Variants in PARD3 observed in about 807,000 individuals in gnomAD.
The protein encoded by PARD3 is partitioning defective 3 homolog.
A neutral mutation model predicts 155.4 loss-of-function variants in PARD3; 75 were observed. The observed-to-expected ratio is 0.48, with a 90% CI of 0.40 to 0.58. The LOEUF (loss-of-function observed/expected upper bound fraction) is 0.58, where lower values mean the gene tolerates loss of function less well. Ranked by LOEUF, PARD3 falls within the 20% of genes least tolerant of loss-of-function variation. The probability of loss-of-function intolerance (pLI) is 0.00; values close to 1 mark genes in which losing one functional copy is unlikely to be tolerated. For missense variants in PARD3, 1,642 were observed against 1,721.7 expected (o/e 0.95, Z 0.82); for synonymous variants, 576 against 610.5 (o/e 0.94, Z 0.83).
rs561871360 is a variant in PARD3, at chr10:34,254,864, G to C, written c.3419+14793C>G. ...AAGTGAGTAATCAGTCACAAAGGCTGCCAGATACACTGACAGACAGATGTG... is the reference window on the plus strand; with the variant it reads ...AAGTGAGTAATCAGTCACAAAGGCTCCCAGATACACTGACAGACAGATGTG... On this transcript the variant is annotated intron_variant, in intron 22 of 24. Coordinates refer to ENST00000374788, the MANE Select transcript of PARD3 (RefSeq NM_001184785.2). Among the ~76,000 whole-genome samples the C allele has an allele frequency of 3.3e-5, 5 of 152,222 alleles. No homozygotes were observed. In the South Asian group the frequency reaches 1.0e-3, roughly 32 times the overall value.
intron 12 of PARD3, among the ~76,000 whole-genome samples, chr10:34,364,477 T>C (rs113215375): frequency 6.6e-6 from 1 of 152,090 alleles, no homozygotes; most frequent in Non-Finnish European, 1.5e-5. Flanking sequence ...TCATCCAGGC[T>C]GGAGTGCAGT....
At chr10:34,602,275 T>C (rs763810014) in intron 2 of PARD3, among the ~76,000 whole-genome samples, 1 of 152,244 alleles carries the variant, frequency 6.6e-6, no homozygotes, top group Non-Finnish European at 1.5e-5. Context: ...TAAAAACTAT[T>C]AGTCCATTTC....
intron 1 of PARD3, among the ~76,000 whole-genome samples, chr10:34,783,598 C>T (rs566726136): frequency 1.7e-4 from 17 of 100,468 alleles, no homozygotes; most frequent in Non-Finnish European, 2.5e-4. Context: ...AACGAGACTC[C>T]GTCTTCAAAA....
At chr10:34,260,057 T>A (rs1011133621) in intron 22 of PARD3, among the ~76,000 whole-genome samples, 3 of 152,024 alleles carry the variant, frequency 2.0e-5, no homozygotes, top group Non-Finnish European at 4.4e-5. Context: ...CCAGGCTGAT[T>A]TCGAACTCCT....
intron 1 of PARD3, among the ~76,000 whole-genome samples, chr10:34,738,670 G>C (rs897293295): frequency 1.3e-5 from 2 of 152,176 alleles, no homozygotes; most frequent in African/African-American, 4.8e-5. Flanking sequence ...CCTAAGCCCA[G>C]GAGGTCCAGG....
intron 3 of PARD3, among the ~76,000 whole-genome samples, chr10:34,488,251 T>C (rs1297383327): frequency 2.0e-5 from 3 of 152,184 alleles, no homozygotes; most frequent in Non-Finnish European, 2.9e-5. Flanking sequence ...ATCTCCATAC[T>C]TCATTTTTAT....
intron 9 of PARD3, among the ~76,000 whole-genome samples, chr10:34,379,269 T>G (rs1275158320): frequency 2.6e-5 from 4 of 152,060 alleles, no homozygotes; most frequent in African/African-American, 9.7e-5. Flanking sequence ...TAAAGAAACA[T>G]TAAAGGAGAA....
At chr10:34,289,340 CCACCA>C (rs1433340190) in intron 20 of PARD3, among the ~76,000 whole-genome samples, 1 of 152,070 alleles carries the variant, frequency 6.6e-6, no homozygotes, top group African/African-American at 2.4e-5. Context: ...CAGTCGTGCG[CCACCA>C]CACCTGGCTA....
chr10:34,447,480 CAAAAAAAAAAAAAAAAAAAAAAAAAAA>C (rs745637071), intron 5 of PARD3, among the ~76,000 whole-genome samples: 4 of 37,196 alleles, frequency 1.1e-4, no homozygotes, highest in Admixed American at 4.8e-4. Flanking sequence ...GACTGCGTCT[CAAAAAAAAAAAAAAAAAAAAAAAAAAA>C]AAAAAAAAAA....
rs904330291 is a variant in PARD3, at chr10:34,315,780, G to A, written c.3065+1327C>T. ...TATAATGAAGAAACATGATGAGGGG[G>A]CCCTGTGTAAACTAGAAAAACTCTA... On this transcript the variant is annotated intron_variant, in intron 20 of 24. Coordinates refer to ENST00000374788, the MANE Select transcript of PARD3 (RefSeq NM_001184785.2). Among the ~76,000 whole-genome samples, 5 of 152,300 alleles carry A rather than the reference G, an allele frequency of 3.3e-5. No homozygotes were observed. In the South Asian group the frequency reaches 8.3e-4, roughly 25 times the overall value.
At chr10:34,280,582 C>T (rs891812459) in intron 21 of PARD3, among the ~76,000 whole-genome samples, 2 of 152,130 alleles carry the variant, frequency 1.3e-5, no homozygotes, top group African/African-American at 4.8e-5. Flanking sequence ...AAAACAGAAG[C>T]CAGAAAGTAG....
rs145348976 is a variant in PARD3 at position 34,448,542 on chromosome 10, A to T, written c.714+1775T>A. Among the ~76,000 whole-genome samples the T allele has an allele frequency of 6.8e-4, 103 of 152,332 alleles. 1 individual carries two copies. The South Asian group carries it at 7.2e-3, about 11-fold the overall frequency. ...AAGCTAGGCACAGTGGCTCATGCCT[A>T]TAACCATGACACTTTGGGAGGCCAA... On this transcript the variant is annotated intron_variant, in intron 5 of 24. Transcript: ENST00000374788.
intron 5 of PARD3, among the ~76,000 whole-genome samples, chr10:34,425,898 C>T (rs6481898): frequency 0.074 from 11,312 of 152,146 alleles, 1,314 homozygotes; most frequent in African/African-American, 0.25. Flanking sequence ...GTCACTGAAA[C>T]GTTCACAGAT....
At chr10:34,145,203 ATATATATATATATATATATTTTTTTT>A (rs1422715790) in intron 22 of PARD3, among the ~76,000 whole-genome samples, 2 of 59,868 alleles carry the variant, frequency 3.3e-5, no homozygotes, top group Non-Finnish European at 6.3e-5. Flanking sequence ...ATATATATAT[ATATATATATATATATATATTTTTTTT>A]TTTTTTTTTT....
chr10:34,322,391 T>C (rs1958434806), intron 19 of PARD3, among the ~76,000 whole-genome samples: 1 of 152,194 alleles, frequency 6.6e-6, no homozygotes, highest in Non-Finnish European at 1.5e-5. Flanking sequence ...AGAACTCAAG[T>C]TATGTAGGAA....
chr10:34,490,610 G>C (rs1248136362), intron 3 of PARD3, among the ~76,000 whole-genome samples: 1 of 152,132 alleles, frequency 6.6e-6, no homozygotes, highest in Admixed American at 6.5e-5. Flanking sequence ...ATAGTCTTGT[G>C]TATTTTCACC....
chr10:34,390,814 T>C (rs1240129413), intron 7 of PARD3, among the ~76,000 whole-genome samples: 1 of 152,222 alleles, frequency 6.6e-6, no homozygotes, highest in Non-Finnish European at 1.5e-5. Flanking sequence ...ACAAACAATA[T>C]AGTTTTTTTT....
chr10:34,674,762 C>T (rs914951972), intron 2 of PARD3, among the ~76,000 whole-genome samples: 1 of 152,144 alleles, frequency 6.6e-6, no homozygotes, highest in African/African-American at 2.4e-5. Context: ...GCTGGGATTA[C>T]AGGCGTGAGC....
intron 2 of PARD3, among the ~76,000 whole-genome samples, chr10:34,555,395 G>A (rs1223728776): frequency 6.6e-6 from 1 of 152,050 alleles, no homozygotes; most frequent in Non-Finnish European, 1.5e-5. Flanking sequence ...AAAATGATGG[G>A]AAGTTTTTCT....
Sources: gnomAD v4.1 joint callset for allele counts (sites outside exome capture counted in the v4.1 genomes callset) on GRCh38, gnomAD v4.1.1 for gene constraint, MANE v1.5 for transcripts, NCBI Gene and HGNC (gene_info 2026-07-23, HGNC 2026-07-21) for gene names.